TPD52: variants seen among roughly 807,000 people sequenced by gnomAD.
The protein encoded by TPD52 is tumor protein D52.
TPD52 carries 17 observed loss-of-function variants against 31.3 expected under a neutral mutation model. The observed-to-expected ratio is 0.54, with a 90% CI of 0.37 to 0.82. The LOEUF is 0.82. Among genes scored for constraint, TPD52 ranks in the 40% least tolerant of loss-of-function variants. TPD52 has a pLI of 0.00. For missense variants in TPD52, 212 were observed against 240.1 expected, an observed-to-expected ratio of 0.88 and a Z score of 0.77; for synonymous variants, 83 against 89.6, an observed-to-expected ratio of 0.93 and a Z score of 0.42.
At chr8:80,071,905 G>T (rs1326691633) in intron 1 of TPD52, among the ~76,000 whole-genome samples, 1 of 152,030 alleles carries the variant, frequency 6.6e-6, no homozygotes, top group Non-Finnish European at 1.5e-5. Flanking sequence ...GGACAATCTG[G>T]CCCCACTCCC....
Position 80,111,836 on chromosome 8 carries a change from T to A in TPD52, c.20-47243A>T, listed in dbSNP as rs554097874. Among the ~76,000 whole-genome samples, 5 of 152,348 alleles carry A rather than the reference T, an allele frequency of 3.3e-5. No individual in the cohort carries two copies. In the East Asian group the frequency reaches 9.6e-4, roughly 29 times the overall value. On this transcript the variant is annotated intron_variant, in intron 1 of 7. Coordinates refer to ENST00000518937, the MANE Select transcript of TPD52 (RefSeq NM_001025253.3). Reference sequence around the variant, plus strand: ...GTCACTTAGGGAAAGTTTTCATCAGTGTAAGCCTCAGTTTTCTCACCTGTA... The same window carrying A: ...GTCACTTAGGGAAAGTTTTCATCAGAGTAAGCCTCAGTTTTCTCACCTGTA...
In TPD52 at chr8:80,128,883, G is replaced by GT. The variant is rs1376653063; in HGVS notation, c.19+42541dup. On this transcript the variant is annotated intron_variant, in intron 1 of 7. Coordinates refer to ENST00000518937, the MANE Select transcript of TPD52 (RefSeq NM_001025253.3). ...TTCTCTTGATCATTTTTACATCTGG[G>GT]TTTTTTTTTTCAGGAAGAAATGCTA... Among the ~76,000 whole-genome samples the GT allele has an allele frequency of 8.4e-4, 122 of 145,198 alleles. 1 individual carries two copies. Among genetic ancestry groups the GT allele is most frequent in the Admixed American group, 4.3e-3 (62 of 14,530 alleles).
chr8:80,145,632 C>T (rs1286155175), intron 1 of TPD52, among the ~76,000 whole-genome samples: 1 of 152,180 alleles, frequency 6.6e-6, no homozygotes, highest in Non-Finnish European at 1.5e-5. Flanking sequence ...TACTATTAGA[C>T]AGGAACATCA....
intron 1 of TPD52, among the ~76,000 whole-genome samples, chr8:80,073,928 T>C (rs973713047): frequency 2.6e-5 from 4 of 152,178 alleles, no homozygotes; most frequent in African/African-American, 4.8e-5. Flanking sequence ...CATGGTTACA[T>C]AGGTGGGACA....
chr8:80,038,587 C>A (rs1326495333), intron 7 of TPD52, among the ~76,000 whole-genome samples: 4 of 152,156 alleles, frequency 2.6e-5, no homozygotes, highest in Non-Finnish European at 5.9e-5. Context: ...TTTTGTATTG[C>A]ATCGAATTGC....
chr8:80,054,025 A>G (rs921901160), intron 2 of TPD52, among the ~76,000 whole-genome samples: 2 of 152,192 alleles, frequency 1.3e-5, no homozygotes, highest in African/African-American at 4.8e-5. Flanking sequence ...CCTGCTCTCA[A>G]GGGTTTCATG....
At chr8:80,058,276 A>C (rs1258338037) in intron 2 of TPD52, among the ~76,000 whole-genome samples, 2 of 152,224 alleles carry the variant, frequency 1.3e-5, no homozygotes, top group African/African-American at 2.4e-5. Context: ...GAAGTGCATA[A>C]AAACTTACAT....
intron 1 of TPD52, chr8:80,080,963 T>C (rs974494932): frequency 4.2e-5 from 7 of 164,878 alleles, no homozygotes; most frequent in Admixed American, 6.5e-5. Context: ...CTCCCACAAA[T>C]GCCATCTGAG....
chr8:80,101,797 C>A (rs1014646125), intron 1 of TPD52, among the ~76,000 whole-genome samples: 1 of 152,084 alleles, frequency 6.6e-6, no homozygotes, highest in Non-Finnish European at 1.5e-5. Context: ...CATGAAGGAT[C>A]CCCCCCATGA....
At position 80,035,506 on chromosome 8, in the gene TPD52, C is replaced by A. The variant is rs1295763489; in HGVS notation, c.*2610G>T. The A allele has an allele frequency of 2.0e-5, 3 of 152,142 alleles. No individual in the cohort carries two copies. The highest frequency in any genetic ancestry group is 1.3e-4 in the Admixed American group (2 of 15,266). The allele number at this position is 152,142 out of a possible 1,614,324, so 9.4% of individuals were successfully genotyped here. On this transcript the variant is annotated 3_prime_UTR_variant, in exon 8 of 8. Transcript: ENST00000518937. Reference sequence around the variant, plus strand: ...TGGGCAGGTAATGTATACAAAAGAACCCATACCCAAATTATAGCATTTTTA... The same window carrying A: ...TGGGCAGGTAATGTATACAAAAGAAACCATACCCAAATTATAGCATTTTTA...
At chr8:80,062,985 T>TA (rs967909348) in intron 2 of TPD52, among the ~76,000 whole-genome samples, 2 of 151,774 alleles carry the variant, frequency 1.3e-5, no homozygotes, top group African/African-American at 2.4e-5. Flanking sequence ...AAAAAAAAGT[T>TA]AAAAAAATTT....
chr8:80,051,437 A>T, intron 4 of TPD52, 90 bp downstream of exon 4: 1 of 1,267,400 alleles, frequency 7.9e-7, no homozygotes, highest in Non-Finnish European at 1.1e-6. Flanking sequence ...GCTAGCATCA[A>T]CTAGAGCCAA....
chr8:80,115,938 A>C (rs559542175), intron 1 of TPD52, among the ~76,000 whole-genome samples: 1 of 152,380 alleles, frequency 6.6e-6, no homozygotes, highest in South Asian at 2.1e-4. Flanking sequence ...ATTTCTTCTT[A>C]ATATAACAAA....
intron 1 of TPD52, among the ~76,000 whole-genome samples, chr8:80,144,555 AAC>A (rs1203006413): frequency 6.6e-6 from 1 of 152,182 alleles, no homozygotes; most frequent in East Asian, 1.9e-4. Context: ...TATGAAAGAT[AAC>A]AGATAGGTGC....
At chr8:80,159,098 G>GT (rs1586419806) in intron 1 of TPD52, among the ~76,000 whole-genome samples, 2 of 152,110 alleles carry the variant, frequency 1.3e-5, no homozygotes, top group East Asian at 3.9e-4. Context: ...GAACCACTGA[G>GT]TTAGCATTTT....
chr8:80,078,904 T>C (rs549817876), intron 1 of TPD52, among the ~76,000 whole-genome samples: 43 of 151,894 alleles, frequency 2.8e-4, no homozygotes, highest in Admixed American at 9.2e-4. Context: ...ACTTGGAAAA[T>C]GAAAGGAGGT....
At chr8:80,053,138 T>A (rs1320908213) in intron 3 of TPD52, 144 bp downstream of exon 3, 1 of 896,424 alleles carries the variant, frequency 1.1e-6, no homozygotes, top group African/African-American at 1.7e-5. Context: ...CAGGCACACT[T>A]GAAAATCAGA....
intron 1 of TPD52, among the ~76,000 whole-genome samples, chr8:80,132,607 G>T (rs1809097908): frequency 1.3e-5 from 2 of 152,134 alleles, no homozygotes; most frequent in Non-Finnish European, 1.5e-5. Context: ...TTAGAATTGT[G>T]ACTACTATTG....
At chr8:80,042,599 C>A in intron 7 of TPD52, 21 bp downstream of exon 7, 1 of 1,595,340 alleles carries the variant, frequency 6.3e-7, no homozygotes. Context: ...TCAAAAAGAC[C>A]CTGTTCATCT....
Sources: gnomAD v4.1 joint callset for allele counts (sites outside exome capture counted in the v4.1 genomes callset) on GRCh38, gnomAD v4.1.1 for gene constraint, MANE v1.5 for transcripts, NCBI Gene and HGNC (gene_info 2026-07-23, HGNC 2026-07-21) for gene names.